The following SMYD3 variants were observed in gnomAD, a reference collection of about 807,000 sequenced individuals.
The protein encoded by SMYD3 is SET and MYND domain containing 3, also known as histone-lysine N-methyltransferase SMYD3.
SMYD3 carries 36 observed loss-of-function variants against 57.7 expected under a neutral mutation model. The observed-to-expected ratio is 0.62, with a 90% CI of 0.48 to 0.82. The LOEUF is 0.82. Ranked by LOEUF, SMYD3 falls within the 40% of genes least tolerant of loss-of-function variation. SMYD3 has a pLI of 0.00. For synonymous variants in SMYD3, 211 were observed against 195.0 expected (o/e 1.08, Z -0.68); for missense variants, 515 against 538.8 (o/e 0.96, Z 0.44).
rs530821126 is a variant in SMYD3 at position 246,404,211 on chromosome 1, C to T, written c.165-49117G>A. On this transcript the variant is annotated intron_variant, in intron 1 of 11. Coordinates refer to ENST00000490107, the MANE Select transcript of SMYD3 (RefSeq NM_001167740.2). The stretch of plus-strand genomic sequence containing the variant: ...ACCGCTGCTGAGGTCAGCAGCACCA[C>T]GGCAGCTGTGAAAGGTTAGCAGTTT... Among the ~76,000 whole-genome samples the T allele has an allele frequency of 7.9e-5, 12 of 152,320 alleles. 1 individual carries two copies. The highest frequency in any genetic ancestry group is 2.4e-4 in the African/African-American group (10 of 41,580).
At chr1:246,229,318 T>C (rs1028281447) in intron 5 of SMYD3, among the ~76,000 whole-genome samples, 1 of 152,232 alleles carries the variant, frequency 6.6e-6, no homozygotes, top group African/African-American at 2.4e-5. Flanking sequence ...AAGGGATTAG[T>C]GTCTATTTAA....
chr1:245,840,810 C>T (rs933510781), intron 10 of SMYD3, among the ~76,000 whole-genome samples: 17 of 151,112 alleles, frequency 1.1e-4, no homozygotes, highest in African/African-American at 4.1e-4. Flanking sequence ...GGAGGGATCC[C>T]AGGGGGAGAA....
chr1:246,351,605 A>G (rs1370516376), intron 2 of SMYD3, among the ~76,000 whole-genome samples: 1 of 152,242 alleles, frequency 6.6e-6, no homozygotes, highest in Non-Finnish European at 1.5e-5. Flanking sequence ...CCAGTAACAG[A>G]AACAGTACTG....
intron 5 of SMYD3, among the ~76,000 whole-genome samples, chr1:246,114,761 G>A (rs1250743130): frequency 6.6e-6 from 1 of 152,078 alleles, no homozygotes; most frequent in African/African-American, 2.4e-5. Flanking sequence ...TTCCCGAGGA[G>A]CTTGGGATTA....
Position 246,356,261 on chromosome 1 carries a change from G to A in SMYD3, c.165-1167C>T, listed in dbSNP as rs76398440. 1.9e-3 allele frequency among the ~76,000 whole-genome samples: 286 copies of A among 152,204 alleles called. 4 individuals carry two copies. Among genetic ancestry groups the A allele is most frequent in the African/African-American group, 6.5e-3 (272 of 41,536 alleles). On this transcript the variant is annotated intron_variant, in intron 1 of 11. Coordinates refer to ENST00000490107, the MANE Select transcript of SMYD3 (RefSeq NM_001167740.2). Reference sequence around the variant, plus strand: ...GGGAGGAGGGAGAACACCACATCAAGGGAGAACCCCTTGGAACAAAAGTAT... The same window carrying A: ...GGGAGGAGGGAGAACACCACATCAAAGGAGAACCCCTTGGAACAAAAGTAT...
chr1:245,998,494 C>T (rs758988973), intron 5 of SMYD3, among the ~76,000 whole-genome samples: 32 of 152,134 alleles, frequency 2.1e-4, no homozygotes, highest in South Asian at 4.1e-4. Context: ...ATTAGGAGGG[C>T]TATTACAAAA....
intron 5 of SMYD3, among the ~76,000 whole-genome samples, chr1:246,314,521 A>T (rs1322610307): frequency 6.6e-6 from 1 of 152,228 alleles, no homozygotes; most frequent in East Asian, 1.9e-4. Context: ...TAGAATAAAA[A>T]ATTAAAACAA....
At chr1:246,107,432 CAA>C (rs2061151136) in intron 5 of SMYD3, among the ~76,000 whole-genome samples, 1 of 151,598 alleles carries the variant, frequency 6.6e-6, no homozygotes, top group African/African-American at 2.4e-5. Flanking sequence ...GACAAGTTCA[CAA>C]AGAGATTATT....
intron 5 of SMYD3, among the ~76,000 whole-genome samples, chr1:246,144,080 T>G (rs1420133935): frequency 6.6e-6 from 1 of 152,186 alleles, no homozygotes. Flanking sequence ...AGCTACTTAC[T>G]GCAGCCCGGC....
intron 7 of SMYD3, among the ~76,000 whole-genome samples, chr1:245,916,317 A>G (rs1329328006): frequency 6.6e-6 from 1 of 152,192 alleles, no homozygotes; most frequent in African/African-American, 2.4e-5. Context: ...ATATATTTAA[A>G]GGACTCCTCG....
At chr1:246,148,916 G>A (rs1422164489) in intron 5 of SMYD3, among the ~76,000 whole-genome samples, 1 of 152,350 alleles carries the variant, frequency 6.6e-6, no homozygotes, top group East Asian at 1.9e-4. Flanking sequence ...GCACTTGAAG[G>A]CTCAGCCTGG....
intron 5 of SMYD3, among the ~76,000 whole-genome samples, chr1:246,025,662 C>A (rs1006389685): frequency 6.6e-6 from 1 of 152,132 alleles, no homozygotes; most frequent in Non-Finnish European, 1.5e-5. Context: ...GAGACTCCAG[C>A]CATAAGCTTA....
At chr1:245,944,784 A>G (rs1212212925) in intron 5 of SMYD3, among the ~76,000 whole-genome samples, 1 of 152,232 alleles carries the variant, frequency 6.6e-6, no homozygotes, top group South Asian at 2.1e-4. Context: ...TACTGGTACA[A>G]AAACAGACAT....
chr1:246,336,767 G>T (rs558744335), intron 2 of SMYD3, among the ~76,000 whole-genome samples: 106 of 152,148 alleles, frequency 7.0e-4, no homozygotes, highest in African/African-American at 2.4e-3. Context: ...CTATCAAACT[G>T]CCCAAATACA....
At chr1:246,088,437 G>A (rs4294382) in intron 5 of SMYD3, among the ~76,000 whole-genome samples, 3,445 of 146,728 alleles carry the variant, frequency 0.023, 81 homozygotes, top group South Asian at 0.069. Flanking sequence ...GTGAAACCCC[G>A]TCTCTACTAA....
chr1:245,910,698 T>A lies in SMYD3; in HGVS notation c.813+4832A>T, dbSNP rs367628948. Among the ~76,000 whole-genome samples, 3 of 152,194 alleles carry A rather than the reference T, an allele frequency of 2.0e-5. No individual in the cohort carries two copies. In the East Asian group the frequency reaches 5.8e-4, roughly 29 times the overall value. On this transcript the variant is annotated intron_variant, in intron 8 of 11. Coordinates refer to ENST00000490107, the MANE Select transcript of SMYD3 (RefSeq NM_001167740.2). ...GAAAGGAAAATCTAGATAGCCCATA[T>A]GCAAAAGAATAAAACTAGACCCCTA...
intron 1 of SMYD3, among the ~76,000 whole-genome samples, chr1:246,423,812 T>G (rs1384688704): frequency 6.6e-6 from 1 of 152,078 alleles, no homozygotes; most frequent in African/African-American, 2.4e-5. Flanking sequence ...GAAGTCTAAG[T>G]TTCAGAACAA....
In SMYD3 at chr1:246,134,235, C is replaced by G. The variant is rs978085128; in HGVS notation, c.531+192966G>C. On this transcript the variant is annotated intron_variant, in intron 5 of 11. Coordinates refer to ENST00000490107, the MANE Select transcript of SMYD3 (RefSeq NM_001167740.2). ...ATGACTGACATTTCAGGAGGAATAG[C>G]CTTACTTGGAAATATTCTCTTTTAT... is the stretch of plus-strand genomic sequence containing the variant. 3.3e-5 allele frequency among the ~76,000 whole-genome samples: 5 copies of G among 152,170 alleles called. No homozygotes were observed. The East Asian group carries it at 9.6e-4, about 29-fold the overall frequency.
intron 5 of SMYD3, among the ~76,000 whole-genome samples, chr1:246,073,413 A>G (rs555950804): frequency 6.6e-6 from 1 of 152,180 alleles, no homozygotes; most frequent in East Asian, 1.9e-4. Context: ...TGATTTGGGG[A>G]TTTTAGAATT....
Sources: allele counts gnomAD v4.1 joint callset (sites outside exome capture counted in the v4.1 genomes callset), GRCh38; gene constraint gnomAD v4.1.1; transcripts MANE v1.5; gene names NCBI Gene and HGNC (gene_info 2026-07-23, HGNC 2026-07-21).